CCDC13: variants seen among roughly 807,000 people sequenced by gnomAD.
CCDC13 encodes coiled-coil domain-containing protein 13.
A neutral mutation model predicts 87.3 loss-of-function variants in CCDC13; 70 were observed. The observed-to-expected ratio is 0.80, with a 90% CI of 0.66 to 0.98. The LOEUF (loss-of-function observed/expected upper bound fraction) is 0.98. Among genes scored for constraint, CCDC13 ranks in the 50% least tolerant of loss-of-function variants. The pLI is 0.00. For missense variants in CCDC13, 842 were observed against 892.0 expected, an observed-to-expected ratio of 0.94 and a Z score of 0.71; for synonymous variants, 317 against 360.3, an observed-to-expected ratio of 0.88 and a Z score of 1.36.
In CCDC13 at chr3:42,747,296, C is replaced by G. The variant is rs759377177; in HGVS notation, c.681G>C (p.Gln227His). ...TNLKMSDLRNQIQSVKQELRM... is the reference protein window; with the variant it reads ...TNLKMSDLRNHIQSVKQELRM... ...GCAGCTCCTGCTTCACAGACTGGAT[C>G]TGGTTTCGGAGGTCACTCATCTTCA... Residue 227 changes from glutamine to histidine, a missense_variant, in exon 6 of 16, where the codon CAG becomes CAC. Transcript: ENST00000310232. 1 of 1,614,178 alleles carries G rather than the reference C, an allele frequency of 6.2e-7. No individual in the cohort carries two copies. Among genetic ancestry groups the G allele is most frequent in the Non-Finnish European group, 8.5e-7 (1 of 1,180,032 alleles).
At chr3:42,751,016 G>T (rs1699564154) in intron 5 of CCDC13, among the ~76,000 whole-genome samples, 2 of 152,206 alleles carry the variant, frequency 1.3e-5, no homozygotes, top group African/African-American at 2.4e-5. Context: ...GACTACTCTT[G>T]AGGAGGCACA....
Position 42,739,815 on chromosome 3 carries a change from A to G in CCDC13, c.988-5T>C. 6.2e-7 allele frequency: 1 copy of G among 1,613,194 alleles called. No homozygotes were observed. On this transcript the variant is annotated splice_region_variant and splice_polypyrimidine_tract_variant and intron_variant, in intron 8 of 15. Coordinates refer to ENST00000310232, the MANE Select transcript of CCDC13 (RefSeq NM_144719.4). ...ATCCCGTTCACTGGCAAGTTTCTGT[A>G]ATTAGAAAGTGAGGGCATGGGCAGC...
rs892814999 is a variant in CCDC13 at position 42,707,581 on chromosome 3, A to G, written c.*1399T>C. Among the ~76,000 whole-genome samples the G allele has an allele frequency of 1.3e-5, 2 of 152,204 alleles. No homozygotes were observed. The highest frequency in any genetic ancestry group is 4.8e-5 in the African/African-American group (2 of 41,458). On this transcript the variant is annotated 3_prime_UTR_variant, in exon 16 of 16. Coordinates refer to ENST00000310232, the MANE Select transcript of CCDC13 (RefSeq NM_144719.4). The stretch of plus-strand genomic sequence containing the variant: ...CTGACAAGATGCTCGCAGGAGCCCC[A>G]GTGGCTTTTCCTGGGGAAGGGGGTG...
intron 1 of CCDC13, among the ~76,000 whole-genome samples, chr3:42,772,178 G>A (rs905246610): frequency 6.7e-6 from 1 of 149,004 alleles, no homozygotes; most frequent in Non-Finnish European, 1.5e-5. Flanking sequence ...CCCAAGGCAG[G>A]AGAATCGCTT....
At chr3:42,739,582 C>A in intron 9 of CCDC13, 52 bp downstream of exon 9, 1 of 1,572,172 alleles carries the variant, frequency 6.4e-7, no homozygotes, top group African/African-American at 1.3e-5. Context: ...TGGGGCCCAT[C>A]CTTTGAGGAA....
chr3:42,710,935 C>T (rs368960132), intron 14 of CCDC13, among the ~76,000 whole-genome samples: 98 of 152,184 alleles, frequency 6.4e-4, no homozygotes, highest in African/African-American at 2.3e-3. Flanking sequence ...TTTCTAAGCC[C>T]TGTGACACAG....
chr3:42,713,931 G>C (rs1698371525), intron 13 of CCDC13: 1 of 152,210 alleles, frequency 6.6e-6, no homozygotes, highest in African/African-American at 2.4e-5. Context: ...GCTGACCTGG[G>C]CTCTTATCTG....
intron 1 of CCDC13, among the ~76,000 whole-genome samples, chr3:42,761,541 T>C (rs745572337): frequency 1.3e-5 from 2 of 152,332 alleles, no homozygotes; most frequent in South Asian, 2.1e-4. Context: ...GTGTTGTTCA[T>C]TGCTGTATCC....
chr3:42,742,372 G>A (rs1053303793), intron 8 of CCDC13, among the ~76,000 whole-genome samples: 1 of 152,170 alleles, frequency 6.6e-6, no homozygotes, highest in Non-Finnish European at 1.5e-5. Flanking sequence ...AAGGTGCTGA[G>A]AGCAAGGCCC....
intron 1 of CCDC13, among the ~76,000 whole-genome samples, chr3:42,768,690 CAAAAAATAAA>C (rs968187352): frequency 2.9e-4 from 4 of 13,998 alleles, no homozygotes; most frequent in Admixed American, 3.1e-3. Context: ...GAGAAAGACT[CAAAAAATAAA>C]AAAAAATAAA....
chr3:42,736,042 A>C, intron 9 of CCDC13, 129 bp from the exon 10 acceptor site: 1 of 807,684 alleles, frequency 1.2e-6, no homozygotes, highest in South Asian at 1.7e-5. Flanking sequence ...TGTTCCCTCG[A>C]GAGGCAGGAA....
Position 42,706,491 on chromosome 3 carries a change from C to T in CCDC13, c.*2489G>A, listed in dbSNP as rs1213664148. ...TAACCAAGCTAGGGGTGGGGAGGTG[C>T]CCGGTGGTAGGTGCCAGCAGACATG... On this transcript the variant is annotated 3_prime_UTR_variant, in exon 16 of 16. Transcript: ENST00000310232. The T allele has an allele frequency of 6.6e-6, 1 of 152,234 alleles. No individual in the cohort carries two copies. The highest frequency in any genetic ancestry group is 1.9e-4 in the East Asian group (1 of 5,192). 9.4% of individuals were successfully genotyped at this position (152,234 alleles called of 1,614,324 possible).
chr3:42,750,020 G>A (rs974479289), intron 5 of CCDC13: 5 of 447,162 alleles, frequency 1.1e-5, no homozygotes, highest in East Asian at 7.0e-5. Context: ...GAGAACACGT[G>A]GTGCTGATGA....
At chr3:42,742,813 C>T (rs546634204) in intron 8 of CCDC13, 83 bp downstream of exon 8, 3 of 1,541,868 alleles carry the variant, frequency 1.9e-6, no homozygotes, top group East Asian at 4.5e-5. Flanking sequence ...GACTTCTGAC[C>T]ACATGTGCCT....
intron 2 of CCDC13, among the ~76,000 whole-genome samples, chr3:42,757,594 T>G (rs1393852875): frequency 6.6e-6 from 1 of 152,180 alleles, no homozygotes; most frequent in Non-Finnish European, 1.5e-5. Flanking sequence ...GGTGTACACG[T>G]GTAATCCCAG....
At chr3:42,710,325 G>A (rs1698280885) in intron 14 of CCDC13, among the ~76,000 whole-genome samples, 1 of 151,816 alleles carries the variant, frequency 6.6e-6, no homozygotes, top group Admixed American at 6.6e-5. Context: ...GCCTCCCAAA[G>A]TGCCAGGATT....
chr3:42,715,921 C>G (rs758575249), intron 13 of CCDC13, among the ~76,000 whole-genome samples: 1 of 152,186 alleles, frequency 6.6e-6, no homozygotes, highest in Non-Finnish European at 1.5e-5. Flanking sequence ...TTCCCAGCCA[C>G]CAGAGCTGTG....
intron 1 of CCDC13, among the ~76,000 whole-genome samples, chr3:42,770,031 C>T (rs1354310756): frequency 6.6e-6 from 1 of 152,272 alleles, no homozygotes; most frequent in East Asian, 1.9e-4. Context: ...CCATCAAAAG[C>T]CCAAGGGCTG....
At chr3:42,746,979 G>A (rs888962154) in intron 6 of CCDC13, 1 of 546,088 alleles carries the variant, frequency 1.8e-6, no homozygotes, top group Non-Finnish European at 3.3e-6. Flanking sequence ...GGACAGTGCT[G>A]TCCTCCTCAG....
Sources: allele counts gnomAD v4.1 joint callset (sites outside exome capture counted in the v4.1 genomes callset), GRCh38; gene constraint gnomAD v4.1.1; transcripts MANE v1.5; gene names NCBI Gene and HGNC (gene_info 2026-07-23, HGNC 2026-07-21).